The following HPD variants were observed in gnomAD, a reference collection of about 807,000 sequenced individuals.
HPD encodes the protein 4-hydroxyphenylpyruvic acid oxidase.
HPD carries 35 observed loss-of-function variants against 56.9 expected under a neutral mutation model. That is an observed-to-expected ratio of 0.62 (90% CI 0.47 to 0.82). HPD has a LOEUF of 0.82. Among genes scored for constraint, HPD ranks in the 40% least tolerant of loss-of-function variants. HPD has a pLI of 0.00. For synonymous variants in HPD, 186 were observed against 200.2 expected (o/e 0.93, Z 0.60); for missense variants, 442 against 506.8 (o/e 0.87, Z 1.23).
intron 12 of HPD, among the ~76,000 whole-genome samples, chr12:121,841,886 T>C (rs1877420013): frequency 6.6e-6 from 1 of 152,116 alleles, no homozygotes; most frequent in Admixed American, 6.6e-5. Flanking sequence ...GGTTTCACCA[T>C]GTTGGCCAGG....
upstream of HPD, among the ~76,000 whole-genome samples, chr12:121,867,283 T>C (rs1878350729): frequency 6.7e-6 from 1 of 148,214 alleles, no homozygotes; most frequent in South Asian, 2.1e-4. Context: ...ACCCAGGATG[T>C]GGAGGCTGCA....
intron 7 of HPD, among the ~76,000 whole-genome samples, chr12:121,854,359 C>T (rs1025482128): frequency 6.6e-6 from 1 of 152,226 alleles, no homozygotes; most frequent in East Asian, 1.9e-4. Flanking sequence ...AGTCTTTGCT[C>T]ATTTAAACAG....
chr12:121,862,904 T>A (rs374023370), upstream of HPD, among the ~76,000 whole-genome samples: 1 of 150,692 alleles, frequency 6.6e-6, no homozygotes. Context: ...ATGGTCTCAA[T>A]CTCCTGACCT....
upstream of HPD, among the ~76,000 whole-genome samples, chr12:121,867,811 C>T (rs545668989): frequency 1.7e-4 from 26 of 152,182 alleles, no homozygotes; most frequent in African/African-American, 4.3e-4. Flanking sequence ...TGTCAGCCAC[C>T]GTGCCCGACA....
Position 121,856,888 on chromosome 12 carries a change from G to A in HPD, c.199-263C>T, listed in dbSNP as rs928617757. 4 of 560,372 alleles carry A rather than the reference G, an allele frequency of 7.1e-6. No homozygotes were observed. In the Admixed American group the frequency reaches 1.2e-4, roughly 17 times the overall value. The allele number at this position is 560,372 out of a possible 1,614,324, so 34.7% of individuals were successfully genotyped here. A position where few individuals can be genotyped will look rare whatever the true frequency, so the allele number is the denominator to read the frequency against. ...GAACTCCAGGGACCCCATCGGTCAG[G>A]GCACTGCTTAAAATTCCTCTCCTCT... On this transcript the variant is annotated intron_variant, in intron 4 of 13. Coordinates refer to ENST00000289004, the MANE Select transcript of HPD (RefSeq NM_002150.3).
the HPD span, among the ~76,000 whole-genome samples, chr12:121,880,145 T>C: frequency 2.1e-5 from 3 of 140,276 alleles, no homozygotes; most frequent in African/African-American, 8.1e-5. Context: ...AGACCCTGTA[T>C]CAAAATGAAA....
the HPD span, among the ~76,000 whole-genome samples, chr12:121,881,558 G>T: frequency 0.011 from 1,737 of 152,084 alleles, 24 homozygotes; most frequent in African/African-American, 0.039. Context: ...GCCCCTTTAG[G>T]CTTAAGGGGT....
At chr12:121,870,100 T>TA in the HPD span, among the ~76,000 whole-genome samples, 1 of 151,976 alleles carries the variant, frequency 6.6e-6, no homozygotes, top group Admixed American at 6.6e-5. Flanking sequence ...TTTTTTTTTT[T>TA]TAGCTTAAAA....
At chr12:121,858,936 G>T (rs1878104424), upstream of HPD, 4 of 1,293,672 alleles carry the variant, frequency 3.1e-6, no homozygotes, top group East Asian at 2.3e-5. Flanking sequence ...TGGGGGATGG[G>T]GTGGGGAGCT....
chr12:121,850,399 C>T (rs1256790871), intron 7 of HPD, among the ~76,000 whole-genome samples: 4 of 148,916 alleles, frequency 2.7e-5, no homozygotes, highest in Non-Finnish European at 4.5e-5. Flanking sequence ...TACACTCCAG[C>T]CTGGGCGACA....
At chr12:121,843,203 A>G (rs893694744) in intron 12 of HPD, among the ~76,000 whole-genome samples, 4 of 152,236 alleles carry the variant, frequency 2.6e-5, no homozygotes, top group African/African-American at 9.6e-5. Flanking sequence ...ACAAAAGAAC[A>G]AAATCCAGAT....
intron 12 of HPD, among the ~76,000 whole-genome samples, chr12:121,842,325 C>T (rs770277639): frequency 2.0e-5 from 3 of 151,702 alleles, no homozygotes; most frequent in Non-Finnish European, 4.4e-5. Flanking sequence ...GATACAGGGT[C>T]GCCCTGTGTT....
the HPD span, among the ~76,000 whole-genome samples, chr12:121,872,516 C>T: frequency 6.6e-6 from 1 of 152,086 alleles, no homozygotes; most frequent in South Asian, 2.1e-4. Context: ...CAGGCATGAG[C>T]CACCGTGCCT....
At chr12:121,854,914 G>C (rs959820126) in intron 6 of HPD, 122 bp from the exon 7 acceptor site, 8 of 762,224 alleles carry the variant, frequency 1.0e-5, no homozygotes, top group African/African-American at 1.7e-5. Flanking sequence ...TCCAGCCCCA[G>C]GTAGGAACCC....
upstream of HPD, among the ~76,000 whole-genome samples, chr12:121,864,986 G>A (rs568935126): frequency 7.8e-3 from 1,186 of 151,802 alleles, 21 homozygotes; most frequent in South Asian, 0.076. Flanking sequence ...TATTATAAAC[G>A]TCTGGGCATA....
chr12:121,860,561 C>A (rs1878147688), upstream of HPD, among the ~76,000 whole-genome samples: 2 of 152,136 alleles, frequency 1.3e-5, no homozygotes, highest in Non-Finnish European at 2.9e-5. Flanking sequence ...ATCCAGAGTC[C>A]CCTCCCTGAT....
At chr12:121,847,265 C>A (rs1413727417) in intron 9 of HPD, 51 bp from the exon 10 acceptor site, 1 of 1,554,526 alleles carries the variant, frequency 6.4e-7, no homozygotes, top group African/African-American at 1.4e-5. Context: ...CCAGGGACGG[C>A]CTCCATCACC....
the HPD span, among the ~76,000 whole-genome samples, chr12:121,884,619 C>A: frequency 6.6e-6 from 1 of 152,008 alleles, no homozygotes; most frequent in Admixed American, 6.6e-5. Context: ...CTCTCTCTCT[C>A]TCTTTTGACA....
At chr12:121,863,867 C>T (rs118057062), upstream of HPD, among the ~76,000 whole-genome samples, 190 of 151,960 alleles carry the variant, frequency 1.3e-3, 5 homozygotes, top group East Asian at 0.032. Flanking sequence ...TTGCCCCTTC[C>T]ACTTCCTGAA....
Sources: allele counts gnomAD v4.1 joint callset (sites outside exome capture counted in the v4.1 genomes callset), GRCh38; gene constraint gnomAD v4.1.1; transcripts MANE v1.5; gene names NCBI Gene and HGNC (gene_info 2026-07-23, HGNC 2026-07-21).